Variants in PCDH17 observed in about 807,000 individuals in gnomAD.
PCDH17 encodes protocadherin-17.
A neutral mutation model predicts 67.7 loss-of-function variants in PCDH17; 21 were observed. That is an observed-to-expected ratio of 0.31 (90% CI 0.22 to 0.45). The LOEUF is 0.45. Among genes scored for constraint, PCDH17 ranks in the 20% least tolerant of loss-of-function variants. PCDH17 has a pLI of 1.00. For synonymous variants in PCDH17, 701 were observed against 656.7 expected, an observed-to-expected ratio of 1.07 and a Z score of -1.03; for missense variants, 1,471 against 1,564.8, an observed-to-expected ratio of 0.94 and a Z score of 1.01.
At chr13:57,661,642 G>T (rs887598885) in intron 1 of PCDH17, among the ~76,000 whole-genome samples, 3 of 152,040 alleles carry the variant, frequency 2.0e-5, no homozygotes, top group Non-Finnish European at 4.4e-5. Flanking sequence ...GAGAGAAAAA[G>T]AGAATGTGTA....
intron 3 of PCDH17, among the ~76,000 whole-genome samples, chr13:57,722,892 A>ATAG (rs1955883029): frequency 6.6e-6 from 1 of 152,158 alleles, no homozygotes; most frequent in African/African-American, 2.4e-5. Context: ...TATAGGCATA[A>ATAG]GCCACTATAC....
intron 1 of PCDH17, among the ~76,000 whole-genome samples, chr13:57,650,008 A>G (rs1230514570): frequency 6.6e-6 from 1 of 152,178 alleles, no homozygotes; most frequent in Non-Finnish European, 1.5e-5. Flanking sequence ...ACTATCAGAA[A>G]AGAGAACAAC....
At chr13:57,657,579 G>C (rs1292172489) in intron 1 of PCDH17, among the ~76,000 whole-genome samples, 1 of 152,172 alleles carries the variant, frequency 6.6e-6, no homozygotes, top group Admixed American at 6.5e-5. Flanking sequence ...GTACGAAAAG[G>C]CTTAAAGTGA....
At chr13:57,719,348 C>A (rs778281242) in intron 3 of PCDH17, among the ~76,000 whole-genome samples, 1 of 151,918 alleles carries the variant, frequency 6.6e-6, no homozygotes, top group Non-Finnish European at 1.5e-5. Flanking sequence ...TTGAAATGTC[C>A]TTTTCCCCTG....
intron 1 of PCDH17, among the ~76,000 whole-genome samples, chr13:57,658,965 G>A (rs895137364): frequency 6.6e-6 from 1 of 151,994 alleles, no homozygotes; most frequent in Non-Finnish European, 1.5e-5. Flanking sequence ...CTGTGTCTCC[G>A]CACCAATCAT....
At chr13:57,712,378 G>T (rs909263100) in intron 3 of PCDH17, among the ~76,000 whole-genome samples, 2 of 151,562 alleles carry the variant, frequency 1.3e-5, no homozygotes, top group African/African-American at 4.8e-5. Flanking sequence ...ATTGACTTAT[G>T]AATTATATTT....
At chr13:57,705,261 C>CT (rs1955711327) in intron 3 of PCDH17, among the ~76,000 whole-genome samples, 1 of 151,748 alleles carries the variant, frequency 6.6e-6, no homozygotes, top group Non-Finnish European at 1.5e-5. Flanking sequence ...ATATTTCTGG[C>CT]TTTTTTATCT....
Position 57,712,067 on chromosome 13 carries a change from A to G in PCDH17, c.2798-12545A>G, listed in dbSNP as rs561957156. 5.9e-5 allele frequency among the ~76,000 whole-genome samples: 9 copies of G among 151,816 alleles called. No homozygotes were observed. In the South Asian group the frequency reaches 1.7e-3, roughly 28 times the overall value. On this transcript the variant is annotated intron_variant, in intron 3 of 3. Coordinates refer to ENST00000377918, the MANE Select transcript of PCDH17 (RefSeq NM_001040429.3). ...AACCTAATAATTTTTCCATTTTATAATAATAGCAGGTAGGTTTCCTTTGTG... is the reference window on the plus strand; with the variant it reads ...AACCTAATAATTTTTCCATTTTATAGTAATAGCAGGTAGGTTTCCTTTGTG...
chr13:57,687,739 C>T (rs1398380335), intron 3 of PCDH17, among the ~76,000 whole-genome samples: 1 of 151,824 alleles, frequency 6.6e-6, no homozygotes, highest in Non-Finnish European at 1.5e-5. Context: ...CCATGAATAC[C>T]TGAAAGGAAT....
intron 3 of PCDH17, among the ~76,000 whole-genome samples, chr13:57,719,649 G>A (rs967821213): frequency 6.0e-4 from 91 of 152,146 alleles, no homozygotes; most frequent in Non-Finnish European, 1.0e-3. Flanking sequence ...TCTGAAGACA[G>A]GGAAAATAAG....
At chr13:57,719,596 C>T (rs1955856471) in intron 3 of PCDH17, among the ~76,000 whole-genome samples, 1 of 152,124 alleles carries the variant, frequency 6.6e-6, no homozygotes, top group South Asian at 2.1e-4. Flanking sequence ...CTTTTATGCT[C>T]TCTAAAATTT....
At chr13:57,650,339 C>T (rs952519519) in intron 1 of PCDH17, among the ~76,000 whole-genome samples, 5 of 151,342 alleles carry the variant, frequency 3.3e-5, no homozygotes, top group South Asian at 4.2e-4. Flanking sequence ...GATTCAGGCA[C>T]GGCTGGTCTA....
chr13:57,713,123 T>G (rs1470371690), intron 3 of PCDH17, among the ~76,000 whole-genome samples: 1 of 151,606 alleles, frequency 6.6e-6, no homozygotes, highest in Non-Finnish European at 1.5e-5. Context: ...AAGAGCCACA[T>G]CTCCTCTCTT....
chr13:57,713,457 G>A (rs1955793623), intron 3 of PCDH17, among the ~76,000 whole-genome samples: 1 of 151,534 alleles, frequency 6.6e-6, no homozygotes, highest in African/African-American at 2.4e-5. Flanking sequence ...TGAAATGGCA[G>A]TTATCATTGC....
At chr13:57,659,012 G>T (rs1955148165) in intron 1 of PCDH17, among the ~76,000 whole-genome samples, 1 of 151,888 alleles carries the variant, frequency 6.6e-6, no homozygotes, top group Non-Finnish European at 1.5e-5. Context: ...TGTCAGAATT[G>T]TTCCTTTCAT....
At chr13:57,692,674 TTGAG>T (rs965591210) in intron 3 of PCDH17, among the ~76,000 whole-genome samples, 2 of 151,192 alleles carry the variant, frequency 1.3e-5, no homozygotes, top group Admixed American at 1.3e-4. Context: ...TTATTTTAGA[TTGAG>T]TATTATTTTT....
chr13:57,681,205 A>T (rs1264739003), intron 3 of PCDH17, among the ~76,000 whole-genome samples: 1 of 151,384 alleles, frequency 6.6e-6, no homozygotes. Flanking sequence ...TTAAACTTCC[A>T]CTCTCATCCC....
At chr13:57,654,753 C>T (rs1955083311) in intron 1 of PCDH17, among the ~76,000 whole-genome samples, 1 of 151,832 alleles carries the variant, frequency 6.6e-6, no homozygotes, top group Admixed American at 6.6e-5. Context: ...TAAATGTCTA[C>T]CTAAAATAGA....
chr13:57,671,017 C>A (rs9527681), intron 3 of PCDH17, among the ~76,000 whole-genome samples: 65,916 of 151,558 alleles, frequency 0.43, 16,134 homozygotes, highest in South Asian at 0.64. Context: ...GTTATTTTTT[C>A]TTTTAGTGTG....
Sources: allele counts gnomAD v4.1 joint callset (sites outside exome capture counted in the v4.1 genomes callset), GRCh38; gene constraint gnomAD v4.1.1; transcripts MANE v1.5; gene names NCBI Gene and HGNC (gene_info 2026-07-23, HGNC 2026-07-21).